The following RAB38 variants were observed in gnomAD, a reference collection of about 807,000 sequenced individuals.
RAB38 encodes RAB38, member RAS oncogene family, also known as ras-related protein Rab-38.
In RAB38, 15 loss-of-function variants were observed where a neutral mutation model predicts 18.4. That is an observed-to-expected ratio of 0.82 (90% CI 0.55 to 1.26). The LOEUF (loss-of-function observed/expected upper bound fraction) is 1.26, where lower values mean the gene tolerates loss of function less well. Ranked by LOEUF, RAB38 falls within the 50% of genes most tolerant of loss-of-function variation. The probability of loss-of-function intolerance (pLI) is 0.00; values close to 1 mark genes in which losing one functional copy is unlikely to be tolerated. For missense variants in RAB38, 294 were observed against 267.4 expected (o/e 1.10, Z -0.69); for synonymous variants, 101 against 104.4 (o/e 0.97, Z 0.20).
the RAB38 span, among the ~76,000 whole-genome samples, chr11:87,960,661 C>G: frequency 6.6e-6 from 1 of 152,102 alleles, no homozygotes; most frequent in African/African-American, 2.4e-5. Flanking sequence ...ACAAGGTGAG[C>G]GACTAACCTG....
chr11:87,805,622 C>T, the RAB38 span, among the ~76,000 whole-genome samples: 8,424 of 132,226 alleles, frequency 0.064, 669 homozygotes, highest in African/African-American at 0.2. Context: ...CACACACACA[C>T]GCACACACAC....
chr11:88,065,615 T>C, the RAB38 span, among the ~76,000 whole-genome samples: 1 of 152,196 alleles, frequency 6.6e-6, no homozygotes, highest in Non-Finnish European at 1.5e-5. Flanking sequence ...GCTCTCCCAC[T>C]CAAAATTATG....
chr11:88,027,955 G>C, the RAB38 span, among the ~76,000 whole-genome samples: 1 of 152,198 alleles, frequency 6.6e-6, no homozygotes, highest in Non-Finnish European at 1.5e-5. Context: ...TGACCCCTGA[G>C]CAGCCTAACT....
At chr11:87,969,635 T>C in the RAB38 span, among the ~76,000 whole-genome samples, 1 of 152,108 alleles carries the variant, frequency 6.6e-6, no homozygotes, top group Non-Finnish European at 1.5e-5. Context: ...AGCCTGGAAA[T>C]AGACCTCATT....
At chr11:87,962,418 T>C in the RAB38 span, among the ~76,000 whole-genome samples, 2 of 152,106 alleles carry the variant, frequency 1.3e-5, no homozygotes, top group Admixed American at 6.6e-5. Flanking sequence ...ATCTCACTTA[T>C]ATGAAATGGA....
intron 2 of RAB38, among the ~76,000 whole-genome samples, chr11:88,121,223 AT>A (rs1942624454): frequency 1.3e-5 from 2 of 152,162 alleles, no homozygotes; most frequent in South Asian, 4.1e-4. Flanking sequence ...GAAAACAAGG[AT>A]TATCTTTTAT....
At chr11:87,878,280 AT>A in the RAB38 span, among the ~76,000 whole-genome samples, 1 of 140,224 alleles carries the variant, frequency 7.1e-6, no homozygotes, top group Admixed American at 7.3e-5. Flanking sequence ...CTATCTATCT[AT>A]CTATCTATCT....
the RAB38 span, among the ~76,000 whole-genome samples, chr11:88,043,928 C>T: frequency 2.6e-5 from 4 of 152,192 alleles, no homozygotes; most frequent in Non-Finnish European, 4.4e-5. Flanking sequence ...GCCCAAGGAA[C>T]ATCTCACCAA....
At chr11:88,079,620 C>T in the RAB38 span, among the ~76,000 whole-genome samples, 3 of 151,784 alleles carry the variant, frequency 2.0e-5, no homozygotes, top group Non-Finnish European at 3.0e-5. Flanking sequence ...ACTGACATTG[C>T]TCATGGAAAT....
the RAB38 span, among the ~76,000 whole-genome samples, chr11:87,862,310 C>G: frequency 6.6e-6 from 1 of 151,928 alleles, no homozygotes; most frequent in African/African-American, 2.4e-5. Flanking sequence ...ACGTATACAC[C>G]ATGGAATACT....
the RAB38 span, among the ~76,000 whole-genome samples, chr11:87,946,959 T>C: frequency 6.6e-6 from 1 of 151,810 alleles, no homozygotes; most frequent in Non-Finnish European, 1.5e-5. Context: ...CCCTGAGGAA[T>C]CGCCACACTG....
intron 2 of RAB38, among the ~76,000 whole-genome samples, chr11:88,137,930 G>T (rs12788303): frequency 6.6e-6 from 1 of 152,116 alleles, no homozygotes; most frequent in East Asian, 1.9e-4. Flanking sequence ...ATTTTAAACC[G>T]AGGAATCTAT....
chr11:87,817,381 C>T, the RAB38 span: 1 of 151,992 alleles, frequency 6.6e-6, no homozygotes, highest in Non-Finnish European at 1.5e-5. Flanking sequence ...TGAAACAATC[C>T]TGTAGTTTTA....
the RAB38 span, among the ~76,000 whole-genome samples, chr11:87,862,247 A>G: frequency 6.6e-6 from 1 of 151,986 alleles, no homozygotes; most frequent in African/African-American, 2.4e-5. Flanking sequence ...TAGCAAAGAC[A>G]TAGAATCAAC....
At chr11:87,932,638 C>T in the RAB38 span, among the ~76,000 whole-genome samples, 1 of 152,070 alleles carries the variant, frequency 6.6e-6, no homozygotes, top group Non-Finnish European at 1.5e-5. Context: ...CCCAACAAAA[C>T]AATTTCTCAA....
intron 2 of RAB38, among the ~76,000 whole-genome samples, chr11:88,115,066 T>C (rs757270211): frequency 5.9e-5 from 9 of 152,236 alleles, no homozygotes; most frequent in Non-Finnish European, 8.8e-5. Context: ...ATGTCAGTAG[T>C]ATAAGTTAAA....
intron 1 of RAB38, chr11:88,167,510 G>C (rs1179576359): frequency 6.6e-6 from 1 of 152,270 alleles, no homozygotes; most frequent in African/African-American, 2.4e-5. Flanking sequence ...TGGAGGAGGG[G>C]ATGGGCAGGA....
the RAB38 span, among the ~76,000 whole-genome samples, chr11:88,054,976 A>T: frequency 2.0e-5 from 3 of 152,230 alleles, no homozygotes; most frequent in Non-Finnish European, 4.4e-5. Context: ...AGACAAAAAA[A>T]ATCTAGGTAG....
chr11:88,022,372 G>C, the RAB38 span, among the ~76,000 whole-genome samples: 721 of 151,432 alleles, frequency 4.8e-3, 6 homozygotes, highest in African/African-American at 0.016. Flanking sequence ...AGCTGTATAT[G>C]ACAGACCCAC....
Sources: allele counts gnomAD v4.1 joint callset (sites outside exome capture counted in the v4.1 genomes callset), GRCh38; gene constraint gnomAD v4.1.1; transcripts MANE v1.5; gene names NCBI Gene and HGNC (gene_info 2026-07-23, HGNC 2026-07-21).